The following PYGO2 variants were observed in gnomAD, a reference collection of about 807,000 sequenced individuals.
The protein encoded by PYGO2 is pygopus family PHD finger 2.
PYGO2 carries 9 observed loss-of-function variants against 26.7 expected under a neutral mutation model. That is an observed-to-expected ratio of 0.34 (90% CI 0.20 to 0.59). PYGO2 has a LOEUF of 0.59. Ranked by LOEUF, PYGO2 falls within the 20% of genes least tolerant of loss-of-function variation. The pLI is 0.84. For missense variants in PYGO2, 538 were observed against 561.5 expected, an observed-to-expected ratio of 0.96 and a Z score of 0.42; for synonymous variants, 236 against 219.0, an observed-to-expected ratio of 1.08 and a Z score of -0.68.
In PYGO2 at chr1:154,959,297, G is replaced by A. The variant is rs747303866; in HGVS notation, c.703C>T (p.Pro235Ser). ...GGACTTGTGTTAGGCGGCAGGCTGGGGAGCCCCTGACCAGGTCTCTGGAGA... is the reference window on the plus strand; with the variant it reads ...GGACTTGTGTTAGGCGGCAGGCTGGAGAGCCCCTGACCAGGTCTCTGGAGA... ...SPLQRPGQGL[P>S]SLPPNTSPFP... Residue 235 changes from proline to serine, a missense_variant, in exon 3 of 3, where the codon CCC (proline) becomes TCC (serine). Around this residue, in one of 4 missense-constraint regions of PYGO2, gnomAD observed 381 missense variants for 336.6 expected, o/e 1.13. Coordinates refer to ENST00000368457, the MANE Select transcript of PYGO2 (RefSeq NM_138300.4). The surrounding 1 kb of genome is among the most constrained non-coding windows in gnomAD (Gnocchi z 4.7). 4.4e-6 allele frequency: 7 copies of A among 1,586,556 alleles called. No homozygotes were observed. In the Admixed American group the frequency reaches 7.4e-5, roughly 17 times the overall value.
chr1:154,961,423 G>T, intron 1 of PYGO2, 51 bp downstream of exon 1: 1 of 1,225,238 alleles, frequency 8.2e-7, no homozygotes, highest in African/African-American at 1.6e-5. Flanking sequence ...TCCCCTCTGA[G>T]GTTCCCAAGT....
intron 1 of PYGO2, 42 bp downstream of exon 1, chr1:154,961,432 G>T: frequency 7.6e-7 from 1 of 1,321,790 alleles, no homozygotes; most frequent in Non-Finnish European, 1.0e-6. Context: ...AGGTTCCCAA[G>T]TCCTGGGCCT....
In PYGO2 at chr1:154,959,175, G is replaced by C; in HGVS notation, c.825C>G (p.Pro275=). 2 of 1,582,852 alleles carry C rather than the reference G, an allele frequency of 1.3e-6. No homozygotes were observed. The highest frequency in any genetic ancestry group is 1.7e-6 in the Non-Finnish European group (2 of 1,163,822). ...PPASTAFPQE[P]HSGSPAAAVN... ...CAGCAGCAGCCGGGGAGCCTGAGTG[G>C]GGCTCCTGGGGAAAAGCAGTAGAAG... The change falls in exon 3 of 3, where the codon CCC becomes CCG. Residue 275 remains proline (P), a synonymous_variant. Coordinates refer to ENST00000368457, the MANE Select transcript of PYGO2 (RefSeq NM_138300.4). This position sits in a 1 kb window ranked among gnomAD's most constrained non-coding sequence, Gnocchi z 4.7.
chr1:154,958,210 A>T lies in PYGO2; in HGVS notation c.*569T>A, dbSNP rs1655242802. On this transcript the variant is annotated 3_prime_UTR_variant, in exon 3 of 3. Coordinates refer to ENST00000368457, the MANE Select transcript of PYGO2 (RefSeq NM_138300.4). The stretch of plus-strand genomic sequence containing the variant: ...AGGCTATTTGGTTCTCTGAGGGGGA[A>T]GGAGTTGGGTAAGTCTTGGAGGAAG... The T allele has an allele frequency of 6.5e-6, 1 of 152,790 alleles. No homozygotes were observed. The highest frequency in any genetic ancestry group is 2.4e-5 in the African/African-American group (1 of 41,440). The allele number at this position is 152,790 out of a possible 1,614,324, so 9.5% of individuals were successfully genotyped here. A position where few individuals can be genotyped will look rare whatever the true frequency, so the allele number is the denominator to read the frequency against.
chr1:154,961,755 CCCGCCA>C lies in PYGO2; in HGVS notation c.-185_-180del. On this transcript the variant is annotated 5_prime_UTR_variant, in exon 1 of 3. Coordinates refer to ENST00000368457, the MANE Select transcript of PYGO2 (RefSeq NM_138300.4). ...CTGCGCGCTCTCTCCAGACTCGCCGCCCGCCAGCGGCGGCAGCAACCGGAACCGGAA... is the reference window on the plus strand; with the variant it reads ...CTGCGCGCTCTCTCCAGACTCGCCGCGCGGCGGCAGCAACCGGAACCGGAA... The C allele has an allele frequency of 2.5e-6, 1 of 404,468 alleles. No individual in the cohort carries two copies. Among genetic ancestry groups the C allele is most frequent in the Non-Finnish European group, 4.4e-6 (1 of 227,888 alleles). The allele number at this position is 404,468 out of a possible 1,614,324, so 25.1% of individuals were successfully genotyped here.
chr1:154,961,433 T>A, intron 1 of PYGO2, 41 bp downstream of exon 1: 5 of 1,329,070 alleles, frequency 3.8e-6, no homozygotes, highest in Non-Finnish European at 5.1e-6. Flanking sequence ...GGTTCCCAAG[T>A]CCTGGGCCTC....
rs892450462 is a variant in PYGO2 at position 154,961,508 on chromosome 1, C to T, written c.69G>A (p.Ala23=). ...CCTGCTTCCTCCCGGTGCTGGGCGGCGCAGGGGGCGGTGCGGGGCCGCCAC... is the reference window on the plus strand; with the variant it reads ...CCTGCTTCCTCCCGGTGCTGGGCGGTGCAGGGGGCGGTGCGGGGCCGCCAC... ...EGGGGPAPPP[A]PPSTGRKQGK... Residue 23 remains alanine (A), a synonymous_variant, in exon 1 of 3, where the codon GCG becomes GCA. Transcript: ENST00000368457. 65 of 1,452,854 alleles carry T rather than the reference C, an allele frequency of 4.5e-5. No individual in the cohort carries two copies. The African/African-American group carries it at 6.6e-4, about 15-fold the overall frequency. 90.0% of individuals were successfully genotyped at this position (1,452,854 alleles called of 1,614,324 possible).
chr1:154,959,809 G>C lies in PYGO2; in HGVS notation c.191C>G (p.Pro64Arg). 1 of 1,367,282 alleles carries C rather than the reference G, an allele frequency of 7.3e-7. No individual in the cohort carries two copies. Among genetic ancestry groups the C allele is most frequent in the Non-Finnish European group, 9.5e-7 (1 of 1,050,036 alleles). 84.7% of individuals were successfully genotyped at this position (1,367,282 alleles called of 1,614,324 possible). The part of the protein sequence containing the change: ...AYSHLTEFAP[P>R]PTPMVDHLVA... ...CAGGTGATCCACCATGGGAGTTGGG[G>C]GTGGTGCAAACTCCGTCAGATGTGA... Residue 64 changes from proline to arginine, a missense_variant, in exon 3 of 3, where the codon CCC becomes CGC. By Grantham distance (103) the Pro-to-Arg change is moderately radical (BLOSUM62 -2). Around this residue, in one of 4 missense-constraint regions of PYGO2, gnomAD observed 79 missense variants for 92.7 expected, o/e 0.85. Transcript: ENST00000368457. This position sits in a 1 kb window ranked among gnomAD's most constrained non-coding sequence, Gnocchi z 4.7.
Position 154,959,435 on chromosome 1 carries a change from C to T in PYGO2, c.565G>A (p.Gly189Arg). 1 of 1,538,510 alleles carries T rather than the reference C, an allele frequency of 6.5e-7. No individual in the cohort carries two copies. The highest frequency in any genetic ancestry group is 2.3e-5 in the East Asian group (1 of 43,776). The change falls in exon 3 of 3, where the codon GGA becomes AGA. Residue 189 changes from glycine to arginine, a missense_variant. Physicochemically the swap from Gly to Arg is moderately radical, Grantham distance 125. Transcript: ENST00000368457. This position sits in a 1 kb window ranked among gnomAD's most constrained non-coding sequence, Gnocchi z 4.7. ...SGQMMPGPVG[G>R]FGPMISPTMG... ...GTGGGTGAGATCATGGGACCAAATC[C>T]CCCCACTGGGCCCGGCATCATCTGC...
chr1:154,961,448 GC>G, intron 1 of PYGO2, 25 bp downstream of exon 1: 9 of 1,435,484 alleles, frequency 6.3e-6, no homozygotes, highest in Non-Finnish European at 7.4e-6. Context: ...GGCCTCTTCA[GC>G]CCCCGCCCCT....
Position 154,961,561 on chromosome 1 carries a change from G to A in PYGO2, c.16C>T (p.Pro6Ser), listed in dbSNP as rs1267513969. 7 of 1,377,146 alleles carry A rather than the reference G, an allele frequency of 5.1e-6. No individual in the cohort carries two copies. The highest frequency in any genetic ancestry group is 6.5e-6 in the Non-Finnish European group (7 of 1,071,940). The allele number at this position is 1,377,146 out of a possible 1,614,324, so 85.3% of individuals were successfully genotyped here. A position where few individuals can be genotyped will look rare whatever the true frequency, so the allele number is the denominator to read the frequency against. MAASA[P>S]PPPDKLEGGG... Reference sequence around the variant, plus strand: ...CCCTCCAGCTTGTCCGGTGGGGGCGGCGCCGAGGCGGCCATGGAGTGGGGG... The same window carrying A: ...CCCTCCAGCTTGTCCGGTGGGGGCGACGCCGAGGCGGCCATGGAGTGGGGG... The change falls in exon 1 of 3, where the codon CCG (proline) becomes TCG (serine). Residue 6 changes from proline (P) to serine (S), a missense_variant. Coordinates refer to ENST00000368457, the MANE Select transcript of PYGO2 (RefSeq NM_138300.4).
chr1:154,959,792 C>CTA lies in PYGO2; in HGVS notation c.207_208insTA (p.Asp70Ter). ...AAAGGGTTGGATGCAACCAGGTGAT[C>CTA]CACCATGGGAGTTGGGGGTGGTGCA... On this transcript the variant is annotated frameshift_variant, in exon 3 of 3. Coordinates refer to ENST00000368457, the MANE Select transcript of PYGO2 (RefSeq NM_138300.4). LOFTEE classifies it high-confidence loss of function. This position sits in a 1 kb window ranked among gnomAD's most constrained non-coding sequence, Gnocchi z 4.7. 7.2e-7 allele frequency: 1 copy of CTA among 1,379,686 alleles called. No homozygotes were observed. The highest frequency in any genetic ancestry group is 9.5e-7 in the Non-Finnish European group (1 of 1,056,842). 85.5% of individuals were successfully genotyped at this position (1,379,686 alleles called of 1,614,324 possible).
intron 2 of PYGO2, among the ~76,000 whole-genome samples, chr1:154,960,190 A>G (rs1655298492): frequency 2.0e-5 from 3 of 149,548 alleles, no homozygotes; most frequent in East Asian, 2.0e-4. Flanking sequence ...GCGTGAACCC[A>G]GGAGGCGGAG....
chr1:154,958,208 G>C lies in PYGO2; in HGVS notation c.*571C>G, dbSNP rs546571013. On this transcript the variant is annotated 3_prime_UTR_variant, in exon 3 of 3. Coordinates refer to ENST00000368457, the MANE Select transcript of PYGO2 (RefSeq NM_138300.4). ...TCAGGCTATTTGGTTCTCTGAGGGG[G>C]AAGGAGTTGGGTAAGTCTTGGAGGA... The C allele has an allele frequency of 6.5e-6, 1 of 152,926 alleles. No individual in the cohort carries two copies. The highest frequency in any genetic ancestry group is 2.1e-4 in the South Asian group (1 of 4,822). 9.5% of individuals were successfully genotyped at this position (152,926 alleles called of 1,614,324 possible).
Position 154,959,293 on chromosome 1 carries a change from C to A in PYGO2, c.707G>T (p.Ser236Ile). The change falls in exon 3 of 3, where the codon AGC (serine) becomes ATC (isoleucine). Residue 236 changes from serine to isoleucine, a missense_variant. By Grantham distance (142) the Ser-to-Ile change is moderately radical. Transcript: ENST00000368457. The surrounding 1 kb of genome is among the most constrained non-coding windows in gnomAD (Gnocchi z 4.7). ...PLQRPGQGLP[S>I]LPPNTSPFPG... ...AAAGGGACTTGTGTTAGGCGGCAGGCTGGGGAGCCCCTGACCAGGTCTCTG... is the reference window on the plus strand; with the variant it reads ...AAAGGGACTTGTGTTAGGCGGCAGGATGGGGAGCCCCTGACCAGGTCTCTG... 3 of 1,583,486 alleles carry A rather than the reference C, an allele frequency of 1.9e-6. No homozygotes were observed. The highest frequency in any genetic ancestry group is 2.6e-6 in the Non-Finnish European group (3 of 1,167,364).
In PYGO2 at chr1:154,959,070, G is replaced by A; in HGVS notation, c.930C>T (p.Pro310=). 1 of 1,613,150 alleles carries A rather than the reference G, an allele frequency of 6.2e-7. No homozygotes were observed. Among genetic ancestry groups the A allele is most frequent in the South Asian group, 1.1e-5 (1 of 91,052 alleles). The stretch of plus-strand genomic sequence containing the variant: ...CGGAGCCCCCACCTGCCTTGCCAGG[G>A]GGTGCCAAGCTGTTGGCATCTGGAG... ...GGTPDANSLA[P]PGKAGGGSGP... Residue 310 remains proline, a synonymous_variant, in exon 3 of 3, where the codon CCC becomes CCT. Transcript: ENST00000368457. This position sits in a 1 kb window ranked among gnomAD's most constrained non-coding sequence, Gnocchi z 4.7.
Position 154,958,773 on chromosome 1 carries a change from C to T in PYGO2, c.*6G>A. 6.2e-7 allele frequency: 1 copy of T among 1,608,490 alleles called. No individual in the cohort carries two copies. Among genetic ancestry groups the T allele is most frequent in the Non-Finnish European group, 8.5e-7 (1 of 1,175,640 alleles). ...ATGTGCACTTCCCTGGGCCACTTCA[C>T]CAGCGTCACCCATCGTTAGCAGCCA... On this transcript the variant is annotated 3_prime_UTR_variant, in exon 3 of 3. Transcript: ENST00000368457.
At chr1:154,961,418 T>C (rs943574947) in intron 1 of PYGO2, 56 bp downstream of exon 1, 10 of 1,172,092 alleles carry the variant, frequency 8.5e-6, no homozygotes, top group Admixed American at 8.5e-5. Flanking sequence ...ATCCCTCCCC[T>C]CTGAGGTTCC....
rs554667176 is a variant in PYGO2, at chr1:154,959,749, G to A, written c.251C>T (p.Ala84Val). The A allele has an allele frequency of 2.9e-6, 4 of 1,395,048 alleles. No individual in the cohort carries two copies. The highest frequency in any genetic ancestry group is 3.7e-5 in the South Asian group (2 of 54,780). 86.4% of individuals were successfully genotyped at this position (1,395,048 alleles called of 1,614,324 possible). ...AGGGGCTGCAACCCCCACTTTGGGG[G>A]CTCCGAAGTCATCTTCAAAAGGGTT... ...ASNPFEDDFG[A>V]PKVGVAAPPF... Residue 84 changes from alanine to valine, a missense_variant, in exon 3 of 3, where the codon GCC becomes GTC. Around this residue, in one of 4 missense-constraint regions of PYGO2, gnomAD observed 381 missense variants for 336.6 expected, o/e 1.13. Transcript: ENST00000368457. This position sits in a 1 kb window ranked among gnomAD's most constrained non-coding sequence, Gnocchi z 4.7.
Sources: gnomAD v4.1 joint callset for allele counts (sites outside exome capture counted in the v4.1 genomes callset) on GRCh38, gnomAD v4.1.1 for gene constraint, gnomAD v4.1.1 regional missense constraint, Gnocchi (gnomAD v3.1) non-coding constraint, MANE v1.5 for transcripts, NCBI Gene and HGNC (gene_info 2026-07-23, HGNC 2026-07-21) for gene names.